ABCC12: variants seen among roughly 807,000 people sequenced by gnomAD.
ABCC12 encodes ATP-binding cassette sub-family C member 12.
In ABCC12, 142 loss-of-function variants were observed where a neutral mutation model predicts 151.1. That is an observed-to-expected ratio of 0.94 (90% CI 0.82 to 1.08). ABCC12 has a LOEUF of 1.08. Ranked by LOEUF, ABCC12 falls within the 50% of genes least tolerant of loss-of-function variation. ABCC12 has a pLI of 0.00. For missense variants in ABCC12, 1,638 were observed against 1,691.1 expected (o/e 0.97, Z 0.55); for synonymous variants, 645 against 646.4 (o/e 1.00, Z 0.03).
At chr16:48,120,757 T>C (rs1214540034) in intron 13 of ABCC12, among the ~76,000 whole-genome samples, 4 of 152,106 alleles carry the variant, frequency 2.6e-5, no homozygotes, top group Non-Finnish European at 5.9e-5. Context: ...GGTTTCACCA[T>C]GTTGGTCAGG....
chr16:48,109,534 AG>A (rs1171547315), intron 18 of ABCC12, among the ~76,000 whole-genome samples: 1 of 152,234 alleles, frequency 6.6e-6, no homozygotes, highest in East Asian at 1.9e-4. Flanking sequence ...GAGTTAGAAG[AG>A]GGGGCACCCC....
At chr16:48,091,280 G>T in intron 24 of ABCC12, 71 bp from the exon 25 acceptor site, 1 of 1,380,342 alleles carries the variant, frequency 7.2e-7, no homozygotes, top group South Asian at 1.2e-5. Context: ...CCCCGTTCAG[G>T]AGGCAGTCCT....
Position 48,100,977 on chromosome 16 carries a change from T to G in ABCC12, c.2933A>C (p.Lys978Thr). ...GGGTGACCGGCTGACATTCTCCACC[T>G]TCTTGAGCTCCTGGACTCCTCTGTG... is the stretch of plus-strand genomic sequence containing the variant. ...IFHRGVQELKKVENVSRSPWF... is the reference protein window; with the variant it reads ...IFHRGVQELKTVENVSRSPWF... Residue 978 changes from lysine (K) to threonine (T), a missense_variant, in exon 23 of 31, where the codon AAG becomes ACG. Lys to Thr is a moderately conservative substitution (Grantham distance 78). Transcript: ENST00000311303. The G allele has an allele frequency of 6.2e-7, 1 of 1,614,204 alleles. No individual in the cohort carries two copies. Among genetic ancestry groups the G allele is most frequent in the Non-Finnish European group, 8.5e-7 (1 of 1,180,034 alleles).
intron 15 of ABCC12, among the ~76,000 whole-genome samples, 191 bp downstream of exon 15, chr16:48,115,224 T>G (rs1963834122): frequency 6.6e-6 from 1 of 152,150 alleles, no homozygotes; most frequent in African/African-American, 2.4e-5. Context: ...AGGCCATGCA[T>G]GGAGTGGAAG....
chr16:48,135,191 G>A (rs1366633076), intron 8 of ABCC12, among the ~76,000 whole-genome samples: 1 of 152,082 alleles, frequency 6.6e-6, no homozygotes, highest in East Asian at 1.9e-4. Context: ...CAAGCCACTG[G>A]GGAGGCCAGG....
chr16:48,086,832 A>T lies in ABCC12; in HGVS notation c.3636-13T>A, dbSNP rs752565455. 1.2e-5 allele frequency: 19 copies of T among 1,607,216 alleles called. No individual in the cohort carries two copies. In the East Asian group the frequency reaches 3.6e-4, roughly 30 times the overall value. ...ATCCAAGTTGTACCTGCAATGAAGG[A>T]GAGGAGAGGACAGGGAGCCAGATTT... On this transcript the variant is annotated splice_polypyrimidine_tract_variant and intron_variant, in intron 27 of 30. Coordinates refer to ENST00000311303, the MANE Select transcript of ABCC12 (RefSeq NM_001393797.1).
chr16:48,107,724 G>A (rs939926350), intron 19 of ABCC12, among the ~76,000 whole-genome samples: 4 of 152,176 alleles, frequency 2.6e-5, no homozygotes, highest in African/African-American at 7.2e-5. Flanking sequence ...AAGGAAGGTC[G>A]GGCATGGTGG....
chr16:48,136,388 C>T (rs1351169096), intron 8 of ABCC12, among the ~76,000 whole-genome samples: 1 of 152,132 alleles, frequency 6.6e-6, no homozygotes, highest in Non-Finnish European at 1.5e-5. Flanking sequence ...CCAGTGTGCT[C>T]CCCCATGGAG....
rs1226375923 is a variant in ABCC12 at position 48,098,134 on chromosome 16, CACACAG to C, written c.3039-1238_3039-1233del. Among the ~76,000 whole-genome samples, 308 of 147,732 alleles carry C rather than the reference CACACAG, an allele frequency of 2.1e-3. 3 individuals carry two copies. The highest frequency in any genetic ancestry group is 7.3e-3 in the African/African-American group (280 of 38,498). ...ACACACACACACACACACACACACA[CACACAG>C]CATAGCCTTGCCACACCAAGCCTCT... On this transcript the variant is annotated intron_variant, in intron 23 of 30. Coordinates refer to ENST00000311303, the MANE Select transcript of ABCC12 (RefSeq NM_001393797.1).
chr16:48,098,279 C>A (rs1963178264), intron 23 of ABCC12, among the ~76,000 whole-genome samples: 1 of 152,138 alleles, frequency 6.6e-6, no homozygotes, highest in South Asian at 2.1e-4. Context: ...CTTCCCTGAT[C>A]TAGTGGGGAA....
At chr16:48,146,185 G>A in intron 3 of ABCC12, 121 bp downstream of exon 3, 1 of 854,412 alleles carries the variant, frequency 1.2e-6, no homozygotes, top group Non-Finnish European at 1.9e-6. Context: ...TGCATGGGTG[G>A]ACGGACAAAA....
chr16:48,139,033 G>A (rs536829143), intron 7 of ABCC12, 130 bp downstream of exon 7: 1 of 1,103,402 alleles, frequency 9.1e-7, no homozygotes, highest in East Asian at 2.5e-5. Context: ...CTGTGCCAAA[G>A]GAAGTAAATC....
At chr16:48,153,500 T>C (rs893727494) in intron 2 of ABCC12, 116 bp downstream of exon 2, 1 of 152,224 alleles carries the variant, frequency 6.6e-6, no homozygotes, top group Admixed American at 6.5e-5. Flanking sequence ...TTGAGGACCA[T>C]TGTCATTTCC....
chr16:48,108,436 G>T lies in ABCC12; in HGVS notation c.2371+4C>A. Reference sequence around the variant, plus strand: ...ATCAAGAAACTTGTTGTTTTATACTGAACCTCCAGAAGCCTTAATGTACGT... The same window carrying T: ...ATCAAGAAACTTGTTGTTTTATACTTAACCTCCAGAAGCCTTAATGTACGT... On this transcript the variant is annotated splice_donor_region_variant and intron_variant, in intron 19 of 30. Transcript: ENST00000311303. The T allele has an allele frequency of 6.2e-7, 1 of 1,612,122 alleles. No individual in the cohort carries two copies. Among genetic ancestry groups the T allele is most frequent in the Non-Finnish European group, 8.5e-7 (1 of 1,178,432 alleles).
Position 48,146,454 on chromosome 16 carries a change from T to C in ABCC12, c.-30A>G. 6.3e-7 allele frequency: 1 copy of C among 1,575,002 alleles called. No individual in the cohort carries two copies. The highest frequency in any genetic ancestry group is 8.7e-7 in the Non-Finnish European group (1 of 1,144,614). On this transcript the variant is annotated 5_prime_UTR_variant, in exon 3 of 31. Transcript: ENST00000311303. ...ATGGCAGCCTGGAGCCCTGGGCTTT[T>C]GGCCTGGGGACACTTTCACTCTATG...
intron 7 of ABCC12, 132 bp from the exon 8 acceptor site, chr16:48,138,507 C>A (rs2150668932): frequency 1.9e-6 from 2 of 1,073,448 alleles, no homozygotes; most frequent in South Asian, 1.6e-5. Flanking sequence ...CAGCCAAGTT[C>A]TTCCCTTGAG....
intron 10 of ABCC12, among the ~76,000 whole-genome samples, chr16:48,129,637 T>C (rs1964356596): frequency 1.3e-5 from 2 of 152,100 alleles, no homozygotes; most frequent in South Asian, 4.1e-4. Flanking sequence ...TTGGTAATCA[T>C]ACCAATATTT....
intron 13 of ABCC12, among the ~76,000 whole-genome samples, chr16:48,118,908 T>C (rs1963978298): frequency 6.6e-6 from 1 of 152,232 alleles, no homozygotes; most frequent in African/African-American, 2.4e-5. Flanking sequence ...ATTGGGTTGT[T>C]GTGAGAATGG....
chr16:48,139,386 T>A, intron 6 of ABCC12, 50 bp from the exon 7 acceptor site: 1 of 1,534,560 alleles, frequency 6.5e-7, no homozygotes, highest in Non-Finnish European at 8.8e-7. Context: ...CAGTCAAACA[T>A]GTCTTTAAAT....
Sources: gnomAD v4.1 joint callset for allele counts (sites outside exome capture counted in the v4.1 genomes callset) on GRCh38, gnomAD v4.1.1 for gene constraint, MANE v1.5 for transcripts, NCBI Gene and HGNC (gene_info 2026-07-23, HGNC 2026-07-21) for gene names.